KCNMB4: variants seen among roughly 807,000 people sequenced by gnomAD.
KCNMB4 encodes calcium-activated potassium channel subunit beta-4.
KCNMB4 carries 3 observed loss-of-function variants against 20.7 expected under a neutral mutation model. That is an observed-to-expected ratio of 0.14 (90% CI 0.07 to 0.37). The LOEUF is 0.37. KCNMB4 is among the 10% of genes least tolerant of loss of function. The pLI, the probability that KCNMB4 is intolerant of heterozygous loss-of-function variation, is 1.00. For synonymous variants in KCNMB4, 110 were observed against 113.4 expected, an observed-to-expected ratio of 0.97 and a Z score of 0.19; for missense variants, 168 against 265.9, an observed-to-expected ratio of 0.63 and a Z score of 2.56.
rs144503556 is a variant in KCNMB4, at chr12:70,378,091, A to G, written c.336+11021A>G. On this transcript the variant is annotated intron_variant, in intron 1 of 2. Coordinates refer to ENST00000258111, the MANE Select transcript of KCNMB4 (RefSeq NM_014505.6). ...CAGCCTCCTGAGTAGCTGAGATTAC[A>G]GGCATGCACCACCACACCCAGCTAA... Among the ~76,000 whole-genome samples the G allele has an allele frequency of 2.4e-4, 37 of 152,048 alleles. 2 individuals carry two copies. The East Asian group carries it at 5.4e-3, about 22-fold the overall frequency.
At position 70,415,997 on chromosome 12, in the gene KCNMB4, A is replaced by G. The variant is rs565139369; in HGVS notation, c.465-14488A>G. On this transcript the variant is annotated intron_variant, in intron 2 of 2. Coordinates refer to ENST00000258111, the MANE Select transcript of KCNMB4 (RefSeq NM_014505.6). Reference sequence around the variant, plus strand: ...ATGGAAGAGAGCTGAGTACCAAGAAAGTCTTTTAAAATGCCCAAATAAACA... The same window carrying G: ...ATGGAAGAGAGCTGAGTACCAAGAAGGTCTTTTAAAATGCCCAAATAAACA... 2.0e-5 allele frequency among the ~76,000 whole-genome samples: 3 copies of G among 152,342 alleles called. No individual in the cohort carries two copies. In the East Asian group the frequency reaches 5.8e-4, roughly 29 times the overall value.
chr12:70,372,170 G>A (rs1474446581), intron 1 of KCNMB4, among the ~76,000 whole-genome samples: 2 of 152,168 alleles, frequency 1.3e-5, no homozygotes, highest in East Asian at 1.9e-4. Flanking sequence ...GGAACTATGA[G>A]GGCGAAAGTG....
At chr12:70,412,244 G>A (rs1453209538) in intron 2 of KCNMB4, among the ~76,000 whole-genome samples, 1 of 152,184 alleles carries the variant, frequency 6.6e-6, no homozygotes, top group Non-Finnish European at 1.5e-5. Flanking sequence ...TGATGTGAGT[G>A]CTGCTGCCTC....
chr12:70,432,713 C>T lies in KCNMB4; in HGVS notation c.*2060C>T, dbSNP rs1869401148. 6.6e-6 allele frequency: 1 copy of T among 152,162 alleles called. No homozygotes were observed. The highest frequency in any genetic ancestry group is 1.5e-5 in the Non-Finnish European group (1 of 68,036). The allele number at this position is 152,162 out of a possible 1,614,324, so 9.4% of individuals were successfully genotyped here. A position where few individuals can be genotyped will look rare whatever the true frequency, so the allele number is the denominator to read the frequency against. On this transcript the variant is annotated 3_prime_UTR_variant, in exon 3 of 3. Coordinates refer to ENST00000258111, the MANE Select transcript of KCNMB4 (RefSeq NM_014505.6). ...TTTCCGGTTGCAGCATCCTTGTTGT[C>T]TTAGCAACACAGTGAACTATTCTGA...
chr12:70,401,020 C>A (rs1251328156), intron 2 of KCNMB4, among the ~76,000 whole-genome samples: 1 of 152,004 alleles, frequency 6.6e-6, no homozygotes, highest in Non-Finnish European at 1.5e-5. Flanking sequence ...ACCTATGTCA[C>A]CATCATGTAT....
chr12:70,427,152 C>A (rs1869236709), intron 2 of KCNMB4, among the ~76,000 whole-genome samples: 1 of 152,216 alleles, frequency 6.6e-6, no homozygotes, highest in African/African-American at 2.4e-5. Context: ...AATTGTAGTT[C>A]ATTCCCTACC....
At chr12:70,372,494 G>A (rs1024888632) in intron 1 of KCNMB4, among the ~76,000 whole-genome samples, 1 of 152,204 alleles carries the variant, frequency 6.6e-6, no homozygotes, top group Non-Finnish European at 1.5e-5. Flanking sequence ...AGATCAGTGG[G>A]TAGCACTGGT....
At chr12:70,379,911 A>C (rs1008064109) in intron 1 of KCNMB4, among the ~76,000 whole-genome samples, 1 of 152,224 alleles carries the variant, frequency 6.6e-6, no homozygotes, top group African/African-American at 2.4e-5. Flanking sequence ...ACCTTTCTCC[A>C]TATCAGCAAT....
intron 1 of KCNMB4, among the ~76,000 whole-genome samples, chr12:70,390,715 A>T (rs1012525826): frequency 3.9e-5 from 6 of 152,192 alleles, no homozygotes; most frequent in Admixed American, 6.5e-5. Flanking sequence ...ATGTCAGTAT[A>T]TGTTTCCTCC....
In KCNMB4 at chr12:70,394,553, G is replaced by A. The variant is rs6581938; in HGVS notation, c.337-5656G>A. On this transcript the variant is annotated intron_variant, in intron 1 of 2. Transcript: ENST00000258111. ...AGTTTTTTAGCTGACATATAATTTC[G>A]TATATATTTGTTCAATTAACCTACA... is the stretch of plus-strand genomic sequence containing the variant. Among the ~76,000 whole-genome samples the A allele has an allele frequency of 9.2e-5, 14 of 152,152 alleles. 1 individual carries two copies. Among genetic ancestry groups the A allele is most frequent in the South Asian group, 4.1e-4 (2 of 4,820 alleles).
At position 70,366,625 on chromosome 12, in the gene KCNMB4, C is replaced by CGCGGCGGCGGCGGTG; in HGVS notation, c.-98_-84dup. 1.3e-6 allele frequency: 1 copy of CGCGGCGGCGGCGGTG among 759,312 alleles called. No individual in the cohort carries two copies. Among genetic ancestry groups the CGCGGCGGCGGCGGTG allele is most frequent in the Non-Finnish European group, 1.7e-6 (1 of 572,308 alleles). The allele number at this position is 759,312 out of a possible 1,614,324, so 47.0% of individuals were successfully genotyped here. ...CTCGCCGCCCACTCCCCTGCTGTCG[C>CGCGGCGGCGGCGGTG]GCGGCGGCGGCGGTGGCGGCGGCGG... On this transcript the variant is annotated 5_prime_UTR_variant, in exon 1 of 3. Transcript: ENST00000258111.
At position 70,431,216 on chromosome 12, in the gene KCNMB4, A is replaced by T. The variant is rs1051623322; in HGVS notation, c.*563A>T. ...TCTTTTGACGTCTGCTTGGAAAATG[A>T]ATAGTATACTGGTAACTCAGTCTCC... On this transcript the variant is annotated 3_prime_UTR_variant, in exon 3 of 3. Transcript: ENST00000258111. 2 of 152,182 alleles carry T rather than the reference A, an allele frequency of 1.3e-5. No individual in the cohort carries two copies. The highest frequency in any genetic ancestry group is 2.9e-5 in the Non-Finnish European group (2 of 68,042). 9.4% of individuals were successfully genotyped at this position (152,182 alleles called of 1,614,324 possible).
intron 1 of KCNMB4, among the ~76,000 whole-genome samples, chr12:70,391,594 C>G (rs1186315747): frequency 1.3e-5 from 2 of 152,204 alleles, no homozygotes; most frequent in Non-Finnish European, 2.9e-5. Flanking sequence ...GTGTGAGCCA[C>G]TGCGCCTGGC....
chr12:70,376,152 A>T (rs1286404492), intron 1 of KCNMB4, among the ~76,000 whole-genome samples: 2 of 26,926 alleles, frequency 7.4e-5, no homozygotes, highest in African/African-American at 7.7e-4. Context: ...CTTTCATGAT[A>T]AAAAAAAAAA....
chr12:70,385,889 C>T (rs117227438), intron 1 of KCNMB4, among the ~76,000 whole-genome samples: 8,850 of 152,156 alleles, frequency 0.058, 361 homozygotes, highest in Middle Eastern at 0.13. Flanking sequence ...AAGCTGTCAA[C>T]GAACTACAAC....
intron 2 of KCNMB4, among the ~76,000 whole-genome samples, chr12:70,404,348 G>A (rs1026255093): frequency 6.6e-6 from 1 of 152,132 alleles, no homozygotes; most frequent in Non-Finnish European, 1.5e-5. Flanking sequence ...TGGGTTAAAG[G>A]CAGAAAGAAA....
chr12:70,412,655 A>G (rs1868812289), intron 2 of KCNMB4, among the ~76,000 whole-genome samples: 3 of 152,150 alleles, frequency 2.0e-5, no homozygotes, highest in South Asian at 2.1e-4. Context: ...TGGCTTTTTT[A>G]TAGAGCAAAT....
intron 1 of KCNMB4, among the ~76,000 whole-genome samples, chr12:70,382,428 G>A (rs1423037924): frequency 5.6e-5 from 4 of 71,386 alleles, no homozygotes; most frequent in Non-Finnish European, 9.0e-5. Context: ...ACGAGACTCC[G>A]TCTCAAAAAA....
intron 2 of KCNMB4, among the ~76,000 whole-genome samples, chr12:70,421,621 GC>G (rs1273058865): frequency 1.2e-4 from 18 of 150,168 alleles, no homozygotes; most frequent in Admixed American, 6.6e-5. Context: ...TCGCTCTGTC[GC>G]CCAGGCTGGA....
Sources: allele counts gnomAD v4.1 joint callset (sites outside exome capture counted in the v4.1 genomes callset), GRCh38; gene constraint gnomAD v4.1.1; transcripts MANE v1.5; gene names NCBI Gene and HGNC (gene_info 2026-07-23, HGNC 2026-07-21).